Variants in FREM2 observed in about 807,000 individuals in gnomAD.
The protein encoded by FREM2 is FRAS1 related extracellular matrix 2, also known as FRAS1-related extracellular matrix protein 2.
FREM2 carries 119 observed loss-of-function variants against 219.9 expected under a neutral mutation model. The observed-to-expected ratio is 0.54, with a 90% CI of 0.47 to 0.63. The LOEUF is 0.63. Ranked by LOEUF, FREM2 falls within the 30% of genes least tolerant of loss-of-function variation. The pLI, the probability that FREM2 is intolerant of heterozygous loss-of-function variation, is 0.00. For synonymous variants in FREM2, 1,562 were observed against 1,522.8 expected (o/e 1.03, Z -0.60); for missense variants, 4,030 against 3,993.6 (o/e 1.01, Z -0.25).
At chr13:38,818,979 T>A (rs1390279450) in intron 6 of FREM2, among the ~76,000 whole-genome samples, 1 of 152,148 alleles carries the variant, frequency 6.6e-6, no homozygotes, top group African/African-American at 2.4e-5. Flanking sequence ...ACTACCCTTA[T>A]TGTGTCATTA....
At chr13:38,759,466 C>G (rs1481984496) in intron 2 of FREM2, among the ~76,000 whole-genome samples, 1 of 143,004 alleles carries the variant, frequency 7.0e-6, no homozygotes, top group Non-Finnish European at 1.5e-5. Context: ...AAAAAAAAAA[C>G]GACTGAGTTT....
intron 4 of FREM2, among the ~76,000 whole-genome samples, chr13:38,773,835 A>G (rs1436814642): frequency 6.6e-6 from 1 of 152,152 alleles, no homozygotes; most frequent in Non-Finnish European, 1.5e-5. Flanking sequence ...TAGAGCTTTG[A>G]AAACTTACCT....
intron 4 of FREM2, among the ~76,000 whole-genome samples, chr13:38,782,463 T>C (rs568036368): frequency 1.3e-5 from 2 of 152,370 alleles, no homozygotes; most frequent in East Asian, 3.9e-4. Flanking sequence ...ATATTCCTTA[T>C]AGCTGATAAA....
At chr13:38,696,810 C>CT (rs71694503) in intron 1 of FREM2, among the ~76,000 whole-genome samples, 26,311 of 143,614 alleles carry the variant, frequency 0.18, 2,334 homozygotes, top group Middle Eastern at 0.25. Flanking sequence ...AAGGTTTCCA[C>CT]TTTTTTTTTT....
At chr13:38,877,390 G>A (rs1016959603) in intron 21 of FREM2, 147 bp downstream of exon 21, 12 of 901,554 alleles carry the variant, frequency 1.3e-5, no homozygotes, top group South Asian at 1.3e-4. Context: ...TCTGGCTGGT[G>A]TGGGAAGTCG....
chr13:38,787,238 G>A (rs1566142317), intron 6 of FREM2, among the ~76,000 whole-genome samples: 1 of 152,236 alleles, frequency 6.6e-6, no homozygotes, highest in South Asian at 2.1e-4. Flanking sequence ...AATGCTCTTG[G>A]TGATTATTGC....
At chr13:38,729,914 T>G (rs1489919927) in intron 2 of FREM2, among the ~76,000 whole-genome samples, 1 of 152,214 alleles carries the variant, frequency 6.6e-6, no homozygotes, top group Non-Finnish European at 1.5e-5. Context: ...TCTTCCATAT[T>G]TTTAAAAAAT....
At chr13:38,718,577 A>C (rs566573177) in intron 2 of FREM2, among the ~76,000 whole-genome samples, 9 of 152,342 alleles carry the variant, frequency 5.9e-5, no homozygotes. Context: ...CTCCAGCGAT[A>C]AGCTGTATGT....
chr13:38,735,057 T>A (rs1480750268), intron 2 of FREM2, among the ~76,000 whole-genome samples: 2 of 152,172 alleles, frequency 1.3e-5, no homozygotes, highest in East Asian at 3.8e-4. Context: ...GTGCTATACA[T>A]TTTTAGAAAT....
intron 2 of FREM2, among the ~76,000 whole-genome samples, chr13:38,726,051 A>G (rs1256740217): frequency 2.6e-5 from 4 of 152,160 alleles, no homozygotes; most frequent in Admixed American, 2.6e-4. Flanking sequence ...CAGAGTTCCC[A>G]TGAGGAGGGC....
chr13:38,705,841 T>A (rs1287041247), intron 2 of FREM2, among the ~76,000 whole-genome samples: 2 of 152,184 alleles, frequency 1.3e-5, no homozygotes, highest in African/African-American at 2.4e-5. Flanking sequence ...TCTTCCTTTC[T>A]TCCTTTCTCC....
intron 2 of FREM2, among the ~76,000 whole-genome samples, chr13:38,731,792 G>C (rs926707619): frequency 6.6e-6 from 1 of 152,288 alleles, no homozygotes; most frequent in Admixed American, 6.5e-5. Flanking sequence ...TTTGCCCCAA[G>C]TAGAATGATT....
At chr13:38,803,714 T>C (rs1007939061) in intron 6 of FREM2, among the ~76,000 whole-genome samples, 1 of 149,696 alleles carries the variant, frequency 6.7e-6, no homozygotes, top group Non-Finnish European at 1.5e-5. Context: ...CTAAAGTGGC[T>C]TGCTTCCTGG....
intron 2 of FREM2, among the ~76,000 whole-genome samples, chr13:38,757,617 T>C (rs1042283913): frequency 1.1e-4 from 16 of 151,800 alleles, no homozygotes; most frequent in African/African-American, 3.9e-4. Flanking sequence ...TTTTTTTACA[T>C]GATGTCTTGC....
At chr13:38,710,984 G>C (rs1262869205) in intron 2 of FREM2, among the ~76,000 whole-genome samples, 1 of 152,098 alleles carries the variant, frequency 6.6e-6, no homozygotes, top group Non-Finnish European at 1.5e-5. Flanking sequence ...GTCCTTATTT[G>C]TACACCCCTA....
At chr13:38,696,120 C>T (rs534358615) in intron 1 of FREM2, among the ~76,000 whole-genome samples, 7 of 152,154 alleles carry the variant, frequency 4.6e-5, no homozygotes, top group African/African-American at 1.7e-4. Context: ...ATAGTGAGAC[C>T]CACATATCTA....
intron 6 of FREM2, among the ~76,000 whole-genome samples, chr13:38,815,675 T>C (rs1379056454): frequency 6.6e-6 from 1 of 152,222 alleles, no homozygotes; most frequent in Non-Finnish European, 1.5e-5. Flanking sequence ...CAAAAAAGCA[T>C]GGTGCTAGCA....
At chr13:38,846,943 A>C (rs1877180538) in intron 7 of FREM2, among the ~76,000 whole-genome samples, 1 of 152,208 alleles carries the variant, frequency 6.6e-6, no homozygotes, top group Non-Finnish European at 1.5e-5. Context: ...TACAAACGTT[A>C]AGACTCAAAG....
intron 21 of FREM2, among the ~76,000 whole-genome samples, chr13:38,877,818 C>T (rs1878393662): frequency 6.6e-6 from 1 of 152,132 alleles, no homozygotes; most frequent in Admixed American, 6.5e-5. Context: ...TTTTTGTAAA[C>T]TGGACTTGGA....
Sources: gnomAD v4.1 joint callset for allele counts (sites outside exome capture counted in the v4.1 genomes callset) on GRCh38, gnomAD v4.1.1 for gene constraint, MANE v1.5 for transcripts, NCBI Gene and HGNC (gene_info 2026-07-23, HGNC 2026-07-21) for gene names.